TCF4: variants seen among roughly 807,000 people sequenced by gnomAD.
The protein encoded by TCF4 is SL3-3 enhancer factor 2.
A neutral mutation model predicts 82.1 loss-of-function variants in TCF4; 3 were observed. The ratio of observed to expected loss-of-function variants is 0.04; its 90% CI spans 0.02 to 0.09. TCF4 has a LOEUF of 0.09. Among genes scored for constraint, TCF4 ranks in the 10% least tolerant of loss-of-function variants. TCF4 has a pLI of 1.00. For synonymous variants in TCF4, 276 were observed against 309.6 expected (o/e 0.89, Z 1.14); for missense variants, 518 against 852.7 (o/e 0.61, Z 4.89).
intron 6 of TCF4, 73 bp from the exon 7 acceptor site, chr18:55,351,076 AG>A: frequency 1.3e-6 from 2 of 1,590,772 alleles, no homozygotes; most frequent in South Asian, 2.2e-5. Flanking sequence ...ACTGATTGTT[AG>A]TACTTAAACC....
intron 8 of TCF4, among the ~76,000 whole-genome samples, chr18:55,324,619 G>C (rs1264843934): frequency 1.3e-5 from 2 of 152,110 alleles, no homozygotes; most frequent in African/African-American, 2.4e-5. Flanking sequence ...TTTCACAGTA[G>C]TGTATAACTG....
chr18:55,614,743 G>A (rs897905062), intron 2 of TCF4, among the ~76,000 whole-genome samples: 3 of 152,064 alleles, frequency 2.0e-5, no homozygotes, highest in Non-Finnish European at 4.4e-5. Context: ...TCTTTGAACA[G>A]CAGATTTTAA....
chr18:55,413,869 G>A (rs929970550), intron 5 of TCF4, among the ~76,000 whole-genome samples: 1 of 152,224 alleles, frequency 6.6e-6, no homozygotes, highest in African/African-American at 2.4e-5. Context: ...CATCTGAATA[G>A]TGGTGAATGA....
intron 2 of TCF4, among the ~76,000 whole-genome samples, chr18:55,600,927 G>A (rs573550458): frequency 6.6e-6 from 1 of 152,296 alleles, no homozygotes; most frequent in African/African-American, 2.4e-5. Context: ...ATGATTTAAA[G>A]TATATGGGGG....
At chr18:55,252,385 T>A (rs1302851851) in intron 15 of TCF4, among the ~76,000 whole-genome samples, 2 of 152,038 alleles carry the variant, frequency 1.3e-5, no homozygotes, top group Non-Finnish European at 2.9e-5. Flanking sequence ...TGTGTGTATA[T>A]CAAGATCAAA....
intron 13 of TCF4, chr18:55,259,497 A>G (rs2057578980): frequency 6.3e-6 from 1 of 159,046 alleles, no homozygotes; most frequent in African/African-American, 2.4e-5. Context: ...AAACATCCCA[A>G]TGGCATGTAC....
intron 6 of TCF4, among the ~76,000 whole-genome samples, chr18:55,362,436 A>AGGAAGGAAGGAAGGAAGGAAAGAAG (rs1482551366): frequency 7.6e-6 from 1 of 131,004 alleles, no homozygotes; most frequent in African/African-American, 2.9e-5. Flanking sequence ...GAAGGAAGGA[A>AGGAAGGAAGGAAGGAAGGAAAGAAG]AAAAAAAAAG....
At chr18:55,617,794 G>A (rs896434292) in intron 2 of TCF4, among the ~76,000 whole-genome samples, 1 of 147,092 alleles carries the variant, frequency 6.8e-6, no homozygotes, top group Non-Finnish European at 1.5e-5. Context: ...AAACTTTAGT[G>A]AATTCATTAA....
intron 1 of TCF4, among the ~76,000 whole-genome samples, chr18:55,635,174 T>C (rs1443909635): frequency 6.6e-6 from 1 of 152,086 alleles, no homozygotes; most frequent in Non-Finnish European, 1.5e-5. Context: ...GTGCAAAAGA[T>C]TAGACAAGAG....
Position 55,457,980 on chromosome 18 carries a change from C to T in TCF4, c.304+3039G>A, listed in dbSNP as rs997069127. ...ACAAAATACATAATTAATGATAATCCACTCTCAAAAGGAAAGAGTAGTCCA... is the reference window on the plus strand; with the variant it reads ...ACAAAATACATAATTAATGATAATCTACTCTCAAAAGGAAAGAGTAGTCCA... On this transcript the variant is annotated intron_variant, in intron 5 of 19. Transcript: ENST00000354452. Among the ~76,000 whole-genome samples, 12 of 152,022 alleles carry T rather than the reference C, an allele frequency of 7.9e-5. No individual in the cohort carries two copies. In the East Asian group the frequency reaches 2.3e-3, roughly 29 times the overall value.
chr18:55,608,527 A>T (rs757234703), intron 2 of TCF4, among the ~76,000 whole-genome samples: 3 of 152,194 alleles, frequency 2.0e-5, no homozygotes, highest in Non-Finnish European at 4.4e-5. Flanking sequence ...TTTAAAGAAT[A>T]AAAGAGATGA....
At chr18:55,247,214 C>CT (rs1465251127) in intron 15 of TCF4, among the ~76,000 whole-genome samples, 3 of 152,206 alleles carry the variant, frequency 2.0e-5, no homozygotes, top group African/African-American at 7.2e-5. Flanking sequence ...TCATGGCCTT[C>CT]TGGTCAATCC....
chr18:55,632,505 C>A (rs563238793), intron 1 of TCF4, among the ~76,000 whole-genome samples: 1 of 152,092 alleles, frequency 6.6e-6, no homozygotes, highest in Admixed American at 6.5e-5. Flanking sequence ...AAAGATCACA[C>A]CAAGTCTTAG....
intron 3 of TCF4, among the ~76,000 whole-genome samples, chr18:55,468,426 G>A (rs555855653): frequency 6.6e-6 from 1 of 152,294 alleles, no homozygotes; most frequent in Non-Finnish European, 1.5e-5. Flanking sequence ...GAAAATATCT[G>A]TGAGCTCCCA....
intron 3 of TCF4, among the ~76,000 whole-genome samples, chr18:55,544,652 A>G (rs949576020): frequency 6.6e-6 from 1 of 152,172 alleles, no homozygotes; most frequent in African/African-American, 2.4e-5. Flanking sequence ...ACCACAAATA[A>G]AGACAAAACT....
At chr18:55,582,268 C>T (rs2097582825) in intron 3 of TCF4, among the ~76,000 whole-genome samples, 1 of 152,012 alleles carries the variant, frequency 6.6e-6, no homozygotes, top group Admixed American at 6.6e-5. Context: ...CATGTGGATG[C>T]TTTTAGTTTG....
At chr18:55,340,591 A>AAAG (rs1439266167) in intron 8 of TCF4, among the ~76,000 whole-genome samples, 1 of 151,584 alleles carries the variant, frequency 6.6e-6, no homozygotes, top group African/African-American at 2.4e-5. Flanking sequence ...CTCAAAAAAA[A>AAAG]AAAAAAAAAA....
intron 3 of TCF4, among the ~76,000 whole-genome samples, chr18:55,570,889 C>CAA (rs201400921): frequency 3.5e-4 from 24 of 67,784 alleles, no homozygotes; most frequent in African/African-American, 1.2e-3. Context: ...GACCCTGCCT[C>CAA]AAAAAAAAAA....
chr18:55,397,044 T>C (rs1186765958), intron 6 of TCF4, among the ~76,000 whole-genome samples: 1 of 152,056 alleles, frequency 6.6e-6, no homozygotes, highest in Non-Finnish European at 1.5e-5. Flanking sequence ...AGGTCAAAGG[T>C]TGTTGGGAAA....
Sources: allele counts gnomAD v4.1 joint callset (sites outside exome capture counted in the v4.1 genomes callset), GRCh38; gene constraint gnomAD v4.1.1; transcripts MANE v1.5; gene names NCBI Gene and HGNC (gene_info 2026-07-23, HGNC 2026-07-21).